CC2D1B: variants seen among roughly 807,000 people sequenced by gnomAD.
CC2D1B encodes coiled-coil and C2 domain-containing protein 1B.
In CC2D1B, 92 loss-of-function variants were observed where a neutral mutation model predicts 110.8. That is an observed-to-expected ratio of 0.83 (90% CI 0.70 to 0.99). CC2D1B has a LOEUF of 0.99. Ranked by LOEUF, CC2D1B falls within the 50% of genes least tolerant of loss-of-function variation. The pLI, the probability that CC2D1B is intolerant of heterozygous loss-of-function variation, is 0.00. For synonymous variants in CC2D1B, 406 were observed against 429.2 expected, an observed-to-expected ratio of 0.95 and a Z score of 0.67; for missense variants, 1,136 against 1,089.0, an observed-to-expected ratio of 1.04 and a Z score of -0.61.
At position 52,355,542 on chromosome 1, in the gene CC2D1B, AAGTG is replaced by A. The variant is rs1233270659; in HGVS notation, c.2187+62_2187+65del. The A allele has an allele frequency of 5.0e-6, 8 of 1,608,864 alleles. No individual in the cohort carries two copies. The Admixed American group carries it at 5.0e-5, about 10-fold the overall frequency. On this transcript the variant is annotated intron_variant, in intron 20 of 24. Transcript: ENST00000284376. ...GCCACACCTCCCAGGGATGGGAAGA[AAGTG>A]AGCACAGGGTCCTGGAATGCAAGGC...
rs772138621 is a variant in CC2D1B, at chr1:52,357,595, C to CAGAT, written c.1679_1682dup (p.Arg562SerfsTer8). 7 of 1,587,604 alleles carry CAGAT rather than the reference C, an allele frequency of 4.4e-6. No individual in the cohort carries two copies. Among genetic ancestry groups the CAGAT allele is most frequent in the South Asian group, 1.1e-5 (1 of 87,554 alleles). On this transcript the variant is annotated frameshift_variant, in exon 15 of 25. Coordinates refer to ENST00000284376, the MANE Select transcript of CC2D1B (RefSeq NM_001330585.2). LOFTEE classifies it high-confidence loss of function. ...GAGCCTCAAGCCATTTGGCTACCCG[C>CAGAT]AGATAGGCTTTGGCCTGCTCCAGGT...
At chr1:52,355,210 T>A (rs1190135487) in intron 21 of CC2D1B, among the ~76,000 whole-genome samples, 188 bp downstream of exon 21, 1 of 152,344 alleles carries the variant, frequency 6.6e-6, no homozygotes, top group East Asian at 1.9e-4. Context: ...TTCCTTGCCA[T>A]GAGGCCCCAG....
At chr1:52,354,514 A>G in intron 23 of CC2D1B, 94 bp downstream of exon 23, 4 of 1,014,542 alleles carry the variant, frequency 3.9e-6, no homozygotes, top group Non-Finnish European at 4.7e-6. Flanking sequence ...AAATTAAGTA[A>G]TGAGCACGAA....
At chr1:52,356,499 G>C in intron 16 of CC2D1B, 57 bp from the exon 17 acceptor site, 2 of 1,576,102 alleles carry the variant, frequency 1.3e-6, no homozygotes, top group Non-Finnish European at 1.7e-6. Context: ...GCCTTGGTTG[G>C]CATTCAAGGC....
chr1:52,356,277 T>C lies in CC2D1B; in HGVS notation c.1963A>G (p.Lys655Glu), dbSNP rs1273857676. Reference sequence around the variant, plus strand: ...AGCTGCAGGATCTCCAGCTGTTTCTTGCGGTCCTGAGCAAGCTTCTCAAAT... The same window carrying C: ...AGCTGCAGGATCTCCAGCTGTTTCTCGCGGTCCTGAGCAAGCTTCTCAAAT... The part of the protein sequence containing the change: ...TRFEKLAQDR[K>E]KQLEILQLAQ... The change falls in exon 18 of 25, where the codon AAG becomes GAG. Residue 655 changes from lysine to glutamate, a missense_variant. By Grantham distance (56) the Lys-to-Glu change is moderately conservative. Coordinates refer to ENST00000284376, the MANE Select transcript of CC2D1B (RefSeq NM_001330585.2). The C allele has an allele frequency of 1.2e-6, 2 of 1,614,224 alleles. No individual in the cohort carries two copies. Among genetic ancestry groups the C allele is most frequent in the Non-Finnish European group, 1.7e-6 (2 of 1,180,042 alleles).
At position 52,360,528 on chromosome 1, in the gene CC2D1B, G is replaced by T. The variant is rs747232520; in HGVS notation, c.499C>A (p.His167Asn). 3 of 1,614,124 alleles carry T rather than the reference G, an allele frequency of 1.9e-6. No individual in the cohort carries two copies. Among genetic ancestry groups the T allele is most frequent in the Non-Finnish European group, 2.5e-6 (3 of 1,180,028 alleles). ...TGAATCCGTTCCTCCAGCAAAGCGT[G>T]TAGCCCCTGAGATGCTCCGGCCTAT... ...AAQAGASQGLHALLEERIHNY... is the reference protein window; with the variant it reads ...AAQAGASQGLNALLEERIHNY... Residue 167 changes from histidine (H) to asparagine (N), a missense_variant, in exon 6 of 25, where the codon CAC becomes AAC. Coordinates refer to ENST00000284376, the MANE Select transcript of CC2D1B (RefSeq NM_001330585.2).
rs200386574 is a variant in CC2D1B at position 52,358,687 on chromosome 1, T to C, written c.1329A>G (p.Pro443=). The change falls in exon 12 of 25, where the codon CCA becomes CCG. Residue 443 remains proline (P), a splice_region_variant and synonymous_variant. Coordinates refer to ENST00000284376, the MANE Select transcript of CC2D1B (RefSeq NM_001330585.2). Reference sequence around the variant, plus strand: ...GCCCCTAGGCCATGCCCCACTTACCTGGAGGAACAGGCAATTCAGCAAAGT... The same window carrying C: ...GCCCCTAGGCCATGCCCCACTTACCCGGAGGAACAGGCAATTCAGCAAAGT... The part of the protein sequence containing the change: ...KVNFAELPVP[P]GFPPIPGLES... The C allele has an allele frequency of 1.1e-5, 18 of 1,613,126 alleles. No homozygotes were observed. Among genetic ancestry groups the C allele is most frequent in the Non-Finnish European group, 1.4e-5 (17 of 1,179,690 alleles).
At chr1:52,358,089 C>T in intron 13 of CC2D1B, 191 bp from the exon 14 acceptor site, 1 of 944,612 alleles carries the variant, frequency 1.1e-6, no homozygotes, top group South Asian at 1.9e-5. Context: ...TCTAACCTCC[C>T]CAGCAGGAGA....
At position 52,357,775 on chromosome 1, in the gene CC2D1B, A is replaced by C. The variant is rs1238675983; in HGVS notation, c.1579+6T>G. The stretch of plus-strand genomic sequence containing the variant: ...CAGTTCTTCACCCTGCTTGTCCCCA[A>C]CTCACCAGATGGACTCGGTGACTCC... On this transcript the variant is annotated splice_donor_region_variant and intron_variant, in intron 14 of 24. Transcript: ENST00000284376. 6.3e-7 allele frequency: 1 copy of C among 1,592,730 alleles called. No homozygotes were observed. Among genetic ancestry groups the C allele is most frequent in the Non-Finnish European group, 8.6e-7 (1 of 1,167,886 alleles).
intron 24 of CC2D1B, 65 bp from the exon 25 acceptor site, chr1:52,353,288 A>G (rs1646564527): frequency 1.4e-6 from 2 of 1,468,768 alleles, no homozygotes; most frequent in Admixed American, 2.3e-5. Context: ...AGATTTTAGA[A>G]AGGGTTTCCT....
At chr1:52,353,697 G>C (rs1646578179) in intron 23 of CC2D1B, 50 bp from the exon 24 acceptor site, 1 of 1,379,898 alleles carries the variant, frequency 7.2e-7, no homozygotes, top group Admixed American at 2.2e-5. Flanking sequence ...CAGAGATGGG[G>C]AGCAGGCAGG....
intron 12 of CC2D1B, 45 bp downstream of exon 12, chr1:52,358,641 C>T: frequency 6.3e-7 from 1 of 1,596,388 alleles, no homozygotes; most frequent in South Asian, 1.1e-5. Flanking sequence ...CCTTCTTGCC[C>T]AGGGACCACC....
At chr1:52,363,535 C>T (rs762369707) in intron 2 of CC2D1B, among the ~76,000 whole-genome samples, 22 of 152,152 alleles carry the variant, frequency 1.4e-4, no homozygotes, top group Non-Finnish European at 2.5e-4. Context: ...CCATCGCCAT[C>T]ATCCATCCAC....
chr1:52,354,459 G>T, intron 23 of CC2D1B, 149 bp downstream of exon 23: 1 of 775,180 alleles, frequency 1.3e-6, no homozygotes. Context: ...CTCCATCTGT[G>T]AAATGAGGAT....
At chr1:52,353,467 G>A in intron 24 of CC2D1B, 51 bp downstream of exon 24, 69 of 1,566,480 alleles carry the variant, frequency 4.4e-5, no homozygotes, top group Non-Finnish European at 5.7e-5. Flanking sequence ...TGAGTAGTTA[G>A]TTGAGTAAAA....
intron 24 of CC2D1B, 113 bp downstream of exon 24, chr1:52,353,405 T>C (rs1347448812): frequency 3.0e-5 from 45 of 1,522,438 alleles, no homozygotes; most frequent in Middle Eastern, 1.8e-4. Context: ...CCCAGCATGG[T>C]AGGTCTTTCT....
Position 52,364,640 on chromosome 1 carries a change from G to A in CC2D1B, c.-14-6C>T, listed in dbSNP as rs1193284429. 4 of 1,592,602 alleles carry A rather than the reference G, an allele frequency of 2.5e-6. No homozygotes were observed. The Admixed American group carries it at 6.7e-5, about 27-fold the overall frequency. On this transcript the variant is annotated splice_region_variant and splice_polypyrimidine_tract_variant and intron_variant, in intron 1 of 24. Coordinates refer to ENST00000284376, the MANE Select transcript of CC2D1B (RefSeq NM_001330585.2). ...CATCATGGCAGCCTAGATACCTATG[G>A]AAGAGTTACAGAGATTCAGGCTGGA...
chr1:52,355,005 AGGCCCAG>A, intron 21 of CC2D1B, 66 bp from the exon 22 acceptor site: 1 of 1,339,230 alleles, frequency 7.5e-7, no homozygotes, highest in South Asian at 1.2e-5. Context: ...GTGGAAATGG[AGGCCCAG>A]GGCTGGCTGC....
At chr1:52,358,891 A>C (rs1342312218) in intron 11 of CC2D1B, 133 bp from the exon 12 acceptor site, 9 of 1,435,168 alleles carry the variant, frequency 6.3e-6, no homozygotes, top group Non-Finnish European at 8.5e-6. Flanking sequence ...AAAGATCCCT[A>C]AGGCAGCAAG....
Sources: allele counts gnomAD v4.1 joint callset (sites outside exome capture counted in the v4.1 genomes callset), GRCh38; gene constraint gnomAD v4.1.1; transcripts MANE v1.5; gene names NCBI Gene and HGNC (gene_info 2026-07-23, HGNC 2026-07-21).